GRID1: variants seen among roughly 807,000 people sequenced by gnomAD.
GRID1 encodes glutamate ionotropic receptor delta type subunit 1.
Under a neutral mutation model 98.0 loss-of-function variants are expected in GRID1, and 28 were observed. That is an observed-to-expected ratio of 0.29 (90% CI 0.21 to 0.39). The LOEUF (loss-of-function observed/expected upper bound fraction) is 0.39. Among genes scored for constraint, GRID1 ranks in the 10% least tolerant of loss-of-function variants. The pLI is 1.00. For synonymous variants in GRID1, 553 were observed against 538.5 expected, an observed-to-expected ratio of 1.03 and a Z score of -0.37; for missense variants, 1,111 against 1,340.5, an observed-to-expected ratio of 0.83 and a Z score of 2.67.
intron 2 of GRID1, among the ~76,000 whole-genome samples, chr10:86,240,653 GA>G (rs1846613895): frequency 6.6e-6 from 1 of 152,204 alleles, no homozygotes; most frequent in Non-Finnish European, 1.5e-5. Context: ...CTCCAGAAGA[GA>G]AGAGACCAAC....
intron 13 of GRID1, among the ~76,000 whole-genome samples, chr10:85,632,241 T>C (rs980635318): frequency 2.0e-5 from 3 of 152,100 alleles, no homozygotes; most frequent in Non-Finnish European, 4.4e-5. Flanking sequence ...CACCCTGAAG[T>C]CTCTTCCAGA....
intron 2 of GRID1, among the ~76,000 whole-genome samples, chr10:86,353,488 G>A (rs760142382): frequency 2.7e-5 from 4 of 146,522 alleles, no homozygotes; most frequent in Non-Finnish European, 6.0e-5. Flanking sequence ...TTGGAGGGCT[G>A]AGCCATCACA....
At chr10:85,613,118 T>C in intron 15 of GRID1, 1 of 420,894 alleles carries the variant, frequency 2.4e-6, no homozygotes, top group East Asian at 4.3e-5. Context: ...AGGGAAGGGC[T>C]CTCTGGCGCT....
intron 4 of GRID1, among the ~76,000 whole-genome samples, chr10:86,010,587 G>A (rs190112254): frequency 6.6e-6 from 1 of 152,154 alleles, no homozygotes; most frequent in African/African-American, 2.4e-5. Context: ...GGGAGGCCGA[G>A]GAGAATGGAT....
At chr10:86,237,807 C>CCTA (rs1206041613) in intron 2 of GRID1, among the ~76,000 whole-genome samples, 1 of 152,142 alleles carries the variant, frequency 6.6e-6, no homozygotes, top group Non-Finnish European at 1.5e-5. Flanking sequence ...GATCCTGAGG[C>CCTA]CTACCTTAGT....
At chr10:85,760,432 G>A (rs1229944852) in intron 8 of GRID1, among the ~76,000 whole-genome samples, 1 of 152,154 alleles carries the variant, frequency 6.6e-6, no homozygotes, top group East Asian at 1.9e-4. Context: ...AAGATAATGT[G>A]TCTGTCACTC....
intron 8 of GRID1, among the ~76,000 whole-genome samples, chr10:85,742,123 A>G (rs1389654206): frequency 6.6e-6 from 1 of 152,206 alleles, no homozygotes; most frequent in Non-Finnish European, 1.5e-5. Context: ...GAGGATGTCT[A>G]TTTTGCTCAC....
At position 85,933,285 on chromosome 10, in the gene GRID1, T is replaced by TAAA. The variant is rs59704249; in HGVS notation, c.727-17049_727-17047dup. 9.4e-3 allele frequency among the ~76,000 whole-genome samples: 1,135 copies of TAAA among 120,318 alleles called. 24 individuals carry two copies. The highest frequency in any genetic ancestry group is 0.025 in the African/African-American group (722 of 28,520). 78.9% of individuals were successfully genotyped at this position (120,318 alleles called of 152,430 possible). ...GTATAAGAAATAAATCTCTGTTCTTTAAAAAAAAAAAAAAAAAAAAAAAAA... is the reference window on the plus strand; with the variant it reads ...GTATAAGAAATAAATCTCTGTTCTTTAAAAAAAAAAAAAAAAAAAAAAAAAAAA... On this transcript the variant is annotated intron_variant, in intron 4 of 15. Coordinates refer to ENST00000327946, the MANE Select transcript of GRID1 (RefSeq NM_017551.3).
intron 7 of GRID1, among the ~76,000 whole-genome samples, chr10:85,855,110 G>T (rs1274066151): frequency 6.6e-6 from 1 of 152,240 alleles, no homozygotes; most frequent in Non-Finnish European, 1.5e-5. Context: ...TCCTGGCTTT[G>T]CCACCTGTGC....
At chr10:85,983,393 C>T (rs181607035) in intron 4 of GRID1, among the ~76,000 whole-genome samples, 10 of 152,344 alleles carry the variant, frequency 6.6e-5, no homozygotes, top group Admixed American at 4.6e-4. Flanking sequence ...GCCCACTGCA[C>T]GGGACCCCAG....
rs114874218 is a variant in GRID1 at position 85,999,755 on chromosome 10, T to C, written c.727-83516A>G. On this transcript the variant is annotated intron_variant, in intron 4 of 15. Transcript: ENST00000327946. ...TCAATGGATGCAGAAAAAAAGCACA[T>C]GACAAAATGCAGCTTTCTTTCACAA... is the stretch of plus-strand genomic sequence containing the variant. Among the ~76,000 whole-genome samples the C allele has an allele frequency of 2.3e-3, 354 of 152,210 alleles. 2 individuals are homozygous for C. Among genetic ancestry groups the C allele is most frequent in the African/African-American group, 7.8e-3 (324 of 41,534 alleles).
At chr10:86,086,191 C>T (rs1844053882) in intron 4 of GRID1, among the ~76,000 whole-genome samples, 1 of 152,142 alleles carries the variant, frequency 6.6e-6, no homozygotes, top group South Asian at 2.1e-4. Flanking sequence ...AACTCACCAC[C>T]CTCCACAATT....
intron 4 of GRID1, among the ~76,000 whole-genome samples, chr10:85,962,903 T>A (rs1055220385): frequency 9.8e-5 from 15 of 152,314 alleles, no homozygotes; most frequent in African/African-American, 2.6e-4. Context: ...TTGGTTCCTA[T>A]GCTTAAACCA....
In GRID1 at chr10:85,817,763, T is replaced by C. The variant is rs186684454; in HGVS notation, c.1233+36733A>G. The stretch of plus-strand genomic sequence containing the variant: ...AAAAATTAGCCAGGAGTGTGGCATG[T>C]GCCTGTAATCCCAGCTACTTAGGAG... On this transcript the variant is annotated intron_variant, in intron 8 of 15. Coordinates refer to ENST00000327946, the MANE Select transcript of GRID1 (RefSeq NM_017551.3). Among the ~76,000 whole-genome samples, 325 of 152,228 alleles carry C rather than the reference T, an allele frequency of 2.1e-3. 3 individuals carry two copies. The highest frequency in any genetic ancestry group is 7.5e-3 in the African/African-American group (311 of 41,558).
intron 5 of GRID1, among the ~76,000 whole-genome samples, chr10:85,873,676 A>T (rs1018558588): frequency 6.6e-6 from 1 of 152,196 alleles, no homozygotes; most frequent in Non-Finnish European, 1.5e-5. Context: ...AATAACATAC[A>T]GTTTAGTCTC....
chr10:86,073,219 C>A (rs1408159495), intron 4 of GRID1, among the ~76,000 whole-genome samples: 1 of 152,202 alleles, frequency 6.6e-6, no homozygotes, highest in South Asian at 2.1e-4. Flanking sequence ...TCTAAACAGA[C>A]GAATCCATAC....
chr10:86,070,879 G>A (rs1168985595), intron 4 of GRID1, among the ~76,000 whole-genome samples: 1 of 152,170 alleles, frequency 6.6e-6, no homozygotes, highest in African/African-American at 2.4e-5. Context: ...AAAGAGGGAA[G>A]CATCTGGGAA....
At chr10:86,248,248 A>C (rs1589425629) in intron 2 of GRID1, among the ~76,000 whole-genome samples, 1 of 151,742 alleles carries the variant, frequency 6.6e-6, no homozygotes, top group East Asian at 1.9e-4. Context: ...ACCCACCTTC[A>C]CCCCCGCAGC....
At chr10:85,753,535 G>A (rs1842067783) in intron 8 of GRID1, among the ~76,000 whole-genome samples, 1 of 152,158 alleles carries the variant, frequency 6.6e-6, no homozygotes, top group Non-Finnish European at 1.5e-5. Context: ...AAAACCAAAG[G>A]GTCTTGGTGA....
Sources: gnomAD v4.1 joint callset for allele counts (sites outside exome capture counted in the v4.1 genomes callset) on GRCh38, gnomAD v4.1.1 for gene constraint, MANE v1.5 for transcripts, NCBI Gene and HGNC (gene_info 2026-07-23, HGNC 2026-07-21) for gene names.